The following ZNF234 variants were observed in gnomAD, a reference collection of about 807,000 sequenced individuals.
ZNF234 encodes the protein zinc finger protein 234.
A neutral mutation model predicts 10.3 loss-of-function variants in ZNF234; 4 were observed. The ratio of observed to expected loss-of-function variants is 0.39; its 90% CI spans 0.19 to 0.89. ZNF234 has a LOEUF of 0.89. ZNF234 is among the 40% of genes least tolerant of loss of function. The pLI, the probability that ZNF234 is intolerant of heterozygous loss-of-function variation, is 0.38. For missense variants in ZNF234, 711 were observed against 836.1 expected, an observed-to-expected ratio of 0.85 and a Z score of 1.85; for synonymous variants, 258 against 280.1, an observed-to-expected ratio of 0.92 and a Z score of 0.79.
At chr19:44,148,595 C>T (rs3817595) in intron 3 of ZNF234, 176 bp from the exon 4 acceptor site, 290,322 of 864,940 alleles carry the variant, frequency 0.34, 49,435 homozygotes, top group Middle Eastern at 0.38. Flanking sequence ...TTTACTGACA[C>T]TAAGGAAAAT....
At chr19:44,148,693 T>TA in intron 3 of ZNF234, 78 bp from the exon 4 acceptor site, 1 of 1,596,560 alleles carries the variant, frequency 6.3e-7, no homozygotes. Context: ...TCCCCCTACA[T>TA]ACTCTCCACT....
At chr19:44,143,764 A>G (rs1256604678) in intron 2 of ZNF234, among the ~76,000 whole-genome samples, 1 of 152,174 alleles carries the variant, frequency 6.6e-6, no homozygotes, top group East Asian at 1.9e-4. Flanking sequence ...GTGAGCCAAG[A>G]TTGCACCACT....
At chr19:44,155,478 A>G (rs1411322828) in intron 5 of ZNF234, among the ~76,000 whole-genome samples, 1 of 152,250 alleles carries the variant, frequency 6.6e-6, no homozygotes, top group Non-Finnish European at 1.5e-5. Flanking sequence ...TTCTTACAAT[A>G]AAGAGAAGAG....
intron 3 of ZNF234, among the ~76,000 whole-genome samples, chr19:44,147,751 C>G (rs1968635785): frequency 6.6e-6 from 1 of 151,916 alleles, no homozygotes; most frequent in Non-Finnish European, 1.5e-5. Flanking sequence ...ACTCGGGAGG[C>G]TGAGGCAGGA....
At chr19:44,145,110 G>A (rs1482380811) in intron 3 of ZNF234, among the ~76,000 whole-genome samples, 1 of 152,120 alleles carries the variant, frequency 6.6e-6, no homozygotes, top group African/African-American at 2.4e-5. Context: ...TTATTTTATG[G>A]AGTAGAAAAA....
chr19:44,156,655 T>G lies in ZNF234; in HGVS notation c.639T>G (p.Phe213Leu), dbSNP rs539235222. The change falls in exon 6 of 6, where the codon TTT becomes TTG. Residue 213 changes from phenylalanine (F) to leucine (L), a missense_variant. By Grantham distance (22) the Phe-to-Leu change is conservative. Coordinates refer to ENST00000426739, the MANE Select transcript of ZNF234 (RefSeq NM_006630.3). ...AGTGTGACGTGTGTGGTAAGGAATTTAGTCAGAGCTCACATCTTCAAACTC... is the reference window on the plus strand; with the variant it reads ...AGTGTGACGTGTGTGGTAAGGAATTGAGTCAGAGCTCACATCTTCAAACTC... ...CYKCDVCGKE[F>L]SQSSHLQTHQ... 1 of 1,614,110 alleles carries G rather than the reference T, an allele frequency of 6.2e-7. No homozygotes were observed. The highest frequency in any genetic ancestry group is 1.3e-5 in the African/African-American group (1 of 75,020).
intron 4 of ZNF234, among the ~76,000 whole-genome samples, chr19:44,149,433 G>A (rs1168726365): frequency 6.6e-6 from 1 of 152,004 alleles, no homozygotes. Context: ...GGGTGACAGA[G>A]TGAGACTGTC....
Position 44,157,707 on chromosome 19 carries a change from G to T in ZNF234, c.1691G>T (p.Gly564Val), listed in dbSNP as rs758183017. ...HLQAHQKVHT[G>V]EKPYKCGECG... is the part of the protein sequence containing the mutation. ...CAAGCCCATCAAAAAGTCCACACTG[G>T]AGAAAAGCCATACAAATGTGGGGAG... Residue 564 changes from glycine to valine, a missense_variant, in exon 6 of 6, where the codon GGA (glycine) becomes GTA (valine). Coordinates refer to ENST00000426739, the MANE Select transcript of ZNF234 (RefSeq NM_006630.3). 3.7e-5 allele frequency: 59 copies of T among 1,614,016 alleles called. No individual in the cohort carries two copies. Among genetic ancestry groups the T allele is most frequent in the Non-Finnish European group, 4.7e-5 (56 of 1,180,016 alleles).
intron 5 of ZNF234, 81 bp from the exon 6 acceptor site, chr19:44,156,171 A>C: frequency 7.5e-7 from 1 of 1,326,912 alleles, no homozygotes; most frequent in Non-Finnish European, 1.0e-6. Context: ...GATTTGTTAA[A>C]ATCGCATGCT....
chr19:44,157,773 A>G lies in ZNF234; in HGVS notation c.1757A>G (p.His586Arg), dbSNP rs779615869. Residue 586 changes from histidine to arginine, a missense_variant, in exon 6 of 6, where the codon CAT (histidine) becomes CGT (arginine). Transcript: ENST00000426739. ...AAGTGGAGCTTGAACCTTGACATGC[A>G]TCAGAGGGTGCACACAGGAGAAAAA... ...GFKWSLNLDM[H>R]QRVHTGEKPY... 16 of 1,614,052 alleles carry G rather than the reference A, an allele frequency of 9.9e-6. No individual in the cohort carries two copies. Among genetic ancestry groups the G allele is most frequent in the Non-Finnish European group, 1.4e-5 (16 of 1,179,932 alleles).
chr19:44,156,112 A>T, intron 5 of ZNF234, 140 bp from the exon 6 acceptor site: 1 of 698,110 alleles, frequency 1.4e-6, no homozygotes, highest in East Asian at 2.8e-5. Flanking sequence ...GAAATCAGAG[A>T]TCATGATACA....
Position 44,159,482 on chromosome 19 carries a change from G to A in ZNF234, c.*1363G>A. On this transcript the variant is annotated 3_prime_UTR_variant, in exon 6 of 6. Coordinates refer to ENST00000426739, the MANE Select transcript of ZNF234 (RefSeq NM_006630.3). ...AGCCACCACACCCGGCCAAGTTGAA[G>A]TATATTTTGTGATTTTTCTGACAGT... 2 of 337,452 alleles carry A rather than the reference G, an allele frequency of 5.9e-6. No individual in the cohort carries two copies. The highest frequency in any genetic ancestry group is 1.3e-5 in the Non-Finnish European group (2 of 158,046). 20.9% of individuals were successfully genotyped at this position (337,452 alleles called of 1,614,324 possible).
chr19:44,147,940 A>C (rs114917323), intron 3 of ZNF234, among the ~76,000 whole-genome samples: 4,551 of 152,278 alleles, frequency 0.03, 254 homozygotes, highest in African/African-American at 0.1. Context: ...ACAATATTGA[A>C]AATTAAATAT....
intron 3 of ZNF234, among the ~76,000 whole-genome samples, chr19:44,146,951 G>A (rs1224810184): frequency 6.6e-6 from 1 of 151,690 alleles, no homozygotes; most frequent in African/African-American, 2.4e-5. Flanking sequence ...GAGTAGCTGG[G>A]ACTACAGGCA....
At chr19:44,147,462 T>C (rs1968627597) in intron 3 of ZNF234, among the ~76,000 whole-genome samples, 1 of 151,742 alleles carries the variant, frequency 6.6e-6, no homozygotes, top group African/African-American at 2.4e-5. Flanking sequence ...GGTCTTGAAC[T>C]CCTGGGCTCA....
In ZNF234 at chr19:44,150,431, A is replaced by G. The variant is rs1325174901; in HGVS notation, c.161A>G (p.His54Arg). The G allele has an allele frequency of 3.2e-6, 5 of 1,586,844 alleles. No individual in the cohort carries two copies. Among genetic ancestry groups the G allele is most frequent in the Non-Finnish European group, 4.3e-6 (5 of 1,165,978 alleles). The change falls in exon 5 of 6, where the codon CAT becomes CGT. Residue 54 changes from histidine (H) to arginine (R), a missense_variant. Transcript: ENST00000426739. ...LLSVGHHPFK[H>R]DVFLLEKEKK... Reference sequence around the variant, plus strand: ...GTTCTAGGGCATCACCCCTTCAAACATGATGTATTCCTTTTAGAAAAGGAA... The same window carrying G: ...GTTCTAGGGCATCACCCCTTCAAACGTGATGTATTCCTTTTAGAAAAGGAA...
At chr19:44,148,087 C>T (rs952494943) in intron 3 of ZNF234, among the ~76,000 whole-genome samples, 4 of 152,164 alleles carry the variant, frequency 2.6e-5, no homozygotes, top group African/African-American at 9.7e-5. Context: ...CTGCGCCATA[C>T]ACTATTCCAA....
Position 44,160,177 on chromosome 19 carries a change from T to G in ZNF234, c.*2058T>G, listed in dbSNP as rs1968998363. 6.6e-6 allele frequency: 1 copy of G among 152,208 alleles called. No homozygotes were observed. The highest frequency in any genetic ancestry group is 2.1e-4 in the South Asian group (1 of 4,832). The allele number at this position is 152,208 out of a possible 1,614,324, so 9.4% of individuals were successfully genotyped here. ...GCAGGATTGGCATTTACCATGCTTT[T>G]CCCTATTGCTGGCAGTAAAACATGG... On this transcript the variant is annotated 3_prime_UTR_variant, in exon 6 of 6. Coordinates refer to ENST00000426739, the MANE Select transcript of ZNF234 (RefSeq NM_006630.3).
chr19:44,156,363 A>T lies in ZNF234; in HGVS notation c.347A>T (p.Asp116Val), dbSNP rs1968881341. ...GCAAGTGATTTAATCAAGTATGAAG[A>T]CTCTATGATAAGTATTTCTCGGTTC... ...QIASDLIKYE[D>V]SMISISRFPR... The change falls in exon 6 of 6, where the codon GAC (aspartate) becomes GTC (valine). Residue 116 changes from aspartate to valine, a missense_variant. By Grantham distance (152) the Asp-to-Val change is radical. Coordinates refer to ENST00000426739, the MANE Select transcript of ZNF234 (RefSeq NM_006630.3). 6.2e-7 allele frequency: 1 copy of T among 1,613,094 alleles called. No homozygotes were observed. The highest frequency in any genetic ancestry group is 1.3e-5 in the African/African-American group (1 of 74,826).
Sources: allele counts gnomAD v4.1 joint callset (sites outside exome capture counted in the v4.1 genomes callset), GRCh38; gene constraint gnomAD v4.1.1; transcripts MANE v1.5; gene names NCBI Gene and HGNC (gene_info 2026-07-23, HGNC 2026-07-21).